Variants in WWOX observed in about 807,000 individuals in gnomAD.
WWOX encodes the protein WW domain-containing oxidoreductase.
In WWOX, 69 loss-of-function variants were observed where a neutral mutation model predicts 46.2. The observed-to-expected ratio is 1.49, with a 90% CI of 1.23 to 1.82. The LOEUF is 1.82. WWOX is among the 40% of genes most tolerant of loss of function. The pLI, the probability that WWOX is intolerant of heterozygous loss-of-function variation, is 0.00. For synonymous variants in WWOX, 359 were observed against 202.6 expected (o/e 1.77, Z -6.56); for missense variants, 919 against 542.6 (o/e 1.69, Z -6.89).
At chr16:78,196,362 A>G (rs1014599463) in intron 5 of WWOX, among the ~76,000 whole-genome samples, 2 of 152,196 alleles carry the variant, frequency 1.3e-5, no homozygotes, top group Non-Finnish European at 2.9e-5. Flanking sequence ...AATTCCCTGA[A>G]GGACATATAA....
At chr16:78,981,158 C>G (rs948683030) in intron 8 of WWOX, among the ~76,000 whole-genome samples, 5 of 152,180 alleles carry the variant, frequency 3.3e-5, no homozygotes, top group African/African-American at 1.2e-4. Flanking sequence ...TGTACTGCAG[C>G]ACTTTCCTAA....
chr16:78,595,516 C>G (rs2045467606), intron 8 of WWOX, among the ~76,000 whole-genome samples: 1 of 152,200 alleles, frequency 6.6e-6, no homozygotes, highest in African/African-American at 2.4e-5. Context: ...ATGTACAAGA[C>G]CACATCTCTC....
chr16:78,914,422 T>G (rs913585638), intron 8 of WWOX, among the ~76,000 whole-genome samples: 8 of 152,070 alleles, frequency 5.3e-5, no homozygotes, highest in African/African-American at 1.9e-4. Flanking sequence ...ATGAGGGATT[T>G]GCAGCTTGAA....
At chr16:78,628,203 A>G (rs1348055057) in intron 8 of WWOX, among the ~76,000 whole-genome samples, 1 of 152,194 alleles carries the variant, frequency 6.6e-6, no homozygotes, top group Admixed American at 6.5e-5. Context: ...CGTCTGAGTG[A>G]TGCTACCTTG....
chr16:78,762,172 A>G (rs2049810773), intron 8 of WWOX, among the ~76,000 whole-genome samples: 1 of 152,144 alleles, frequency 6.6e-6, no homozygotes, highest in Non-Finnish European at 1.5e-5. Context: ...AAAGTGGTGA[A>G]TTGATTTGAC....
intron 8 of WWOX, among the ~76,000 whole-genome samples, chr16:79,061,044 C>T (rs1437203083): frequency 6.6e-6 from 1 of 152,206 alleles, no homozygotes; most frequent in South Asian, 2.1e-4. Flanking sequence ...GACTTATACA[C>T]TCACATTCAT....
chr16:78,981,934 C>T (rs2046690408), intron 8 of WWOX: 1 of 152,160 alleles, frequency 6.6e-6, no homozygotes. Flanking sequence ...TTGGATGCTA[C>T]AACTGTATGT....
chr16:78,829,163 G>C (rs2051744556), intron 8 of WWOX, among the ~76,000 whole-genome samples: 1 of 152,170 alleles, frequency 6.6e-6, no homozygotes, highest in African/African-American at 2.4e-5. Context: ...CAGACAGATA[G>C]CTAGACAGAT....
intron 8 of WWOX, among the ~76,000 whole-genome samples, chr16:78,888,014 G>A (rs961802293): frequency 6.6e-6 from 1 of 152,202 alleles, no homozygotes; most frequent in Non-Finnish European, 1.5e-5. Flanking sequence ...TTGTCAGAGA[G>A]GACAGGTGCA....
intron 6 of WWOX, among the ~76,000 whole-genome samples, chr16:78,424,107 C>CTT (rs199817825): frequency 2.9e-3 from 298 of 102,014 alleles, no homozygotes; most frequent in African/African-American, 9.6e-3. Flanking sequence ...CTTTTCTTTT[C>CTT]TTTTTTTTTT....
At chr16:78,923,501 A>G (rs2045427227) in intron 8 of WWOX, among the ~76,000 whole-genome samples, 1 of 152,148 alleles carries the variant, frequency 6.6e-6, no homozygotes, top group Admixed American at 6.5e-5. Flanking sequence ...ATTGGGAGTC[A>G]GAATATCAAC....
chr16:79,208,938 C>G (rs188171474), intron 8 of WWOX, among the ~76,000 whole-genome samples: 7 of 152,266 alleles, frequency 4.6e-5, no homozygotes, highest in African/African-American at 7.2e-5. Context: ...AGTGAGTACC[C>G]ATGAGCACCA....
chr16:78,787,231 G>A (rs912794052), intron 8 of WWOX, among the ~76,000 whole-genome samples: 4 of 152,020 alleles, frequency 2.6e-5, no homozygotes, highest in African/African-American at 9.7e-5. Flanking sequence ...CTTTTAATAC[G>A]TTCACAATAT....
intron 8 of WWOX, among the ~76,000 whole-genome samples, chr16:78,878,238 T>C (rs1018093037): frequency 6.6e-6 from 1 of 152,170 alleles, no homozygotes; most frequent in Non-Finnish European, 1.5e-5. Context: ...CCTCATGACA[T>C]TGGGCAGATG....
chr16:78,710,482 A>ATATATATATATATATATATATATATT (rs1567507524), intron 8 of WWOX, among the ~76,000 whole-genome samples: 1 of 128,340 alleles, frequency 7.8e-6, no homozygotes, highest in African/African-American at 3.0e-5. Flanking sequence ...TCATATATAT[A>ATATATATATATATATATATATATATT]TATATATATA....
At chr16:78,421,347 T>C (rs2082925709) in intron 6 of WWOX, among the ~76,000 whole-genome samples, 1 of 152,122 alleles carries the variant, frequency 6.6e-6, no homozygotes, top group African/African-American at 2.4e-5. Flanking sequence ...ATTTCTTGGC[T>C]TTTATCTTAG....
intron 8 of WWOX, among the ~76,000 whole-genome samples, chr16:78,615,691 T>C (rs1202998565): frequency 6.8e-6 from 1 of 146,350 alleles, no homozygotes; most frequent in African/African-American, 2.6e-5. Context: ...ACATAATAAA[T>C]AAACAGTAGT....
chr16:78,605,846 T>G (rs918045221), intron 8 of WWOX, among the ~76,000 whole-genome samples: 11 of 152,248 alleles, frequency 7.2e-5, no homozygotes, highest in South Asian at 4.1e-4. Context: ...TGTGTGTGTG[T>G]TGTTCTTTTT....
At chr16:78,550,477 T>G (rs1199304473) in intron 8 of WWOX, among the ~76,000 whole-genome samples, 1 of 152,250 alleles carries the variant, frequency 6.6e-6, no homozygotes, top group African/African-American at 2.4e-5. Flanking sequence ...GGTTGTAGTT[T>G]GCTGGCCTCT....
Sources: allele counts gnomAD v4.1 joint callset (sites outside exome capture counted in the v4.1 genomes callset), GRCh38; gene constraint gnomAD v4.1.1; transcripts MANE v1.5; gene names NCBI Gene and HGNC (gene_info 2026-07-23, HGNC 2026-07-21).